The following ENTPD5 variants were observed in gnomAD, a reference collection of about 807,000 sequenced individuals.
ENTPD5 encodes ectonucleoside triphosphate diphosphohydrolase 5 (inactive).
Under a neutral mutation model 60.2 loss-of-function variants are expected in ENTPD5, and 49 were observed. The observed-to-expected ratio is 0.81, with a 90% CI of 0.65 to 1.03. The LOEUF (loss-of-function observed/expected upper bound fraction) is 1.03, where lower values mean the gene tolerates loss of function less well. ENTPD5 is among the 50% of genes least tolerant of loss of function. The pLI, the probability that ENTPD5 is intolerant of heterozygous loss-of-function variation, is 0.00. For missense variants in ENTPD5, 480 were observed against 507.6 expected, an observed-to-expected ratio of 0.95 and a Z score of 0.52; for synonymous variants, 187 against 185.4, an observed-to-expected ratio of 1.01 and a Z score of -0.07.
In ENTPD5 at chr14:74,014,382, C is replaced by A. The variant is rs957302857; in HGVS notation, c.-131+1442G>T. Reference sequence around the variant, plus strand: ...ACAGAGTGAGATCCAGTCTTTACTCCCCCCCCCCACAAAAAAAAGTTAGCT... The same window carrying A: ...ACAGAGTGAGATCCAGTCTTTACTCACCCCCCCCACAAAAAAAAGTTAGCT... On this transcript the variant is annotated intron_variant, in intron 2 of 15. Transcript: ENST00000334696. 1.0e-4 allele frequency among the ~76,000 whole-genome samples: 11 copies of A among 108,326 alleles called. 1 individual carries two copies. The highest frequency in any genetic ancestry group is 3.4e-4 in the African/African-American group (11 of 32,820). 71.1% of individuals were successfully genotyped at this position (108,326 alleles called of 152,430 possible).
intron 1 of ENTPD5, chr14:74,018,507 A>C (rs1170582118): frequency 6.6e-6 from 1 of 152,234 alleles, no homozygotes; most frequent in Non-Finnish European, 1.5e-5. Context: ...ACTCTCATTG[A>C]AAAATGAGAA....
downstream of ENTPD5, chr14:73,962,880 G>A (rs1329825517): frequency 1.0e-5 from 11 of 1,101,524 alleles, no homozygotes; most frequent in Non-Finnish European, 1.5e-5. Context: ...AGGACACTTG[G>A]GAAGAATACC....
chr14:73,959,049 G>C, downstream of ENTPD5: 1 of 1,614,212 alleles, frequency 6.2e-7, no homozygotes, highest in Non-Finnish European at 8.5e-7. Context: ...TGACCAGTCT[G>C]CTGTTGTGGC....
At chr14:73,956,091 A>G (rs768746790), downstream of ENTPD5, 99 of 919,810 alleles carry the variant, frequency 1.1e-4, 1 homozygote, top group South Asian at 3.1e-4. Flanking sequence ...TTTGGAGGCT[A>G]AGGCGGGCGG....
intron 12 of ENTPD5, 134 bp from the exon 13 acceptor site, chr14:73,973,158 G>A: frequency 9.6e-7 from 1 of 1,045,200 alleles, no homozygotes; most frequent in Non-Finnish European, 1.4e-6. Context: ...TGAGGCTTGG[G>A]ACAAGAGGCG....
At chr14:74,002,758 A>C (rs1360633984) in intron 3 of ENTPD5, among the ~76,000 whole-genome samples, 1 of 152,300 alleles carries the variant, frequency 6.6e-6, no homozygotes, top group East Asian at 1.9e-4. Flanking sequence ...CTTTTAACAA[A>C]CAACCAAAGT....
At chr14:74,011,512 A>C (rs1359072836) in intron 2 of ENTPD5, among the ~76,000 whole-genome samples, 1 of 152,180 alleles carries the variant, frequency 6.6e-6, no homozygotes, top group East Asian at 1.9e-4. Flanking sequence ...AGTAAAGTAC[A>C]CAGACTGGGC....
At chr14:73,963,026 G>A (rs200366968), downstream of ENTPD5, 13 of 1,576,930 alleles carry the variant, frequency 8.2e-6, no homozygotes, top group Admixed American at 1.7e-5. Context: ...GAAAGATTAC[G>A]TTGATGAAAA....
intron 15 of ENTPD5, among the ~76,000 whole-genome samples, chr14:73,967,960 A>C (rs1292676487): frequency 6.6e-6 from 1 of 152,010 alleles, no homozygotes; most frequent in African/African-American, 2.4e-5. Context: ...CCCCGTGTCT[A>C]CTAAAAATAC....
chr14:73,985,539 T>A (rs2057863677), intron 5 of ENTPD5, among the ~76,000 whole-genome samples: 1 of 152,232 alleles, frequency 6.6e-6, no homozygotes, highest in African/African-American at 2.4e-5. Flanking sequence ...ATAAATGTCT[T>A]CTTTTGAGAA....
chr14:73,996,468 A>C (rs2058345673), intron 3 of ENTPD5: 1 of 151,906 alleles, frequency 6.6e-6, no homozygotes, highest in African/African-American at 2.4e-5. Context: ...CCTGACACAG[A>C]ATTTAGAAAC....
intron 3 of ENTPD5, among the ~76,000 whole-genome samples, chr14:73,991,791 T>C (rs1370642666): frequency 2.0e-5 from 3 of 151,706 alleles, no homozygotes; most frequent in Non-Finnish European, 4.4e-5. Flanking sequence ...GCTGGCTAAT[T>C]TTCCTGCTCT....
At chr14:73,955,607 C>T, downstream of ENTPD5, 3 of 1,375,836 alleles carry the variant, frequency 2.2e-6, no homozygotes, top group Non-Finnish European at 2.1e-6. Flanking sequence ...TAGGAGGAAT[C>T]AGACAAGGTT....
At chr14:74,004,770 T>C (rs1411876020) in intron 3 of ENTPD5, among the ~76,000 whole-genome samples, 3 of 152,098 alleles carry the variant, frequency 2.0e-5, no homozygotes, top group African/African-American at 4.8e-5. Context: ...GCAGAAGCAG[T>C]AATGTCTTTT....
At chr14:74,014,645 A>G (rs1594967067) in intron 2 of ENTPD5, among the ~76,000 whole-genome samples, 2 of 152,222 alleles carry the variant, frequency 1.3e-5, no homozygotes, top group Admixed American at 1.3e-4. Flanking sequence ...AAATTTATCT[A>G]AAAGTGATAA....
chr14:73,960,820 A>G (rs2056685555), downstream of ENTPD5: 1 of 389,988 alleles, frequency 2.6e-6, no homozygotes, highest in South Asian at 2.2e-5. Flanking sequence ...ATGTTATCCT[A>G]ATGAAATAGA....
At chr14:73,955,716 G>T, downstream of ENTPD5, 4 of 1,584,278 alleles carry the variant, frequency 2.5e-6, no homozygotes, top group Non-Finnish European at 3.5e-6. Flanking sequence ...GTGATTTTCT[G>T]CTCTGTCACT....
downstream of ENTPD5, chr14:73,958,319 A>G (rs747095063): frequency 6.2e-7 from 1 of 1,612,772 alleles, no homozygotes; most frequent in Non-Finnish European, 8.5e-7. Flanking sequence ...TTGTATATCT[A>G]CATCTTATCC....
chr14:73,957,103 T>TA (rs199572425), downstream of ENTPD5, among the ~76,000 whole-genome samples: 38,147 of 145,930 alleles, frequency 0.26, 5,722 homozygotes, highest in Non-Finnish European at 0.33. Context: ...TTATTATTAT[T>TA]TTTTTTTTTT....
Sources: gnomAD v4.1 joint callset for allele counts (sites outside exome capture counted in the v4.1 genomes callset) on GRCh38, gnomAD v4.1.1 for gene constraint, MANE v1.5 for transcripts, NCBI Gene and HGNC (gene_info 2026-07-23, HGNC 2026-07-21) for gene names.